The following TAFA1 variants were observed in gnomAD, a reference collection of about 807,000 sequenced individuals.
TAFA1 encodes TAFA chemokine like family member 1.
TAFA1 carries 4 observed loss-of-function variants against 18.5 expected under a neutral mutation model. The ratio of observed to expected loss-of-function variants is 0.22; its 90% CI spans 0.11 to 0.49. The LOEUF (loss-of-function observed/expected upper bound fraction) is 0.49. Ranked by LOEUF, TAFA1 falls within the 20% of genes least tolerant of loss-of-function variation. The pLI, the probability that TAFA1 is intolerant of heterozygous loss-of-function variation, is 0.98. For missense variants in TAFA1, 147 were observed against 169.0 expected, an observed-to-expected ratio of 0.87 and a Z score of 0.72; for synonymous variants, 56 against 55.2, an observed-to-expected ratio of 1.01 and a Z score of -0.06.
intron 2 of TAFA1, among the ~76,000 whole-genome samples, chr3:68,132,443 G>T (rs2065552354): frequency 6.6e-6 from 1 of 152,162 alleles, no homozygotes; most frequent in African/African-American, 2.4e-5. Flanking sequence ...GATCCTTGAG[G>T]AATCACCACA....
chr3:68,191,065 C>G (rs949905776), intron 2 of TAFA1, among the ~76,000 whole-genome samples: 1 of 151,706 alleles, frequency 6.6e-6, no homozygotes, highest in African/African-American at 2.4e-5. Context: ...TGGGTGGGGA[C>G]TTAAAATAAA....
intron 3 of TAFA1, among the ~76,000 whole-genome samples, chr3:68,421,527 G>A (rs73109075): frequency 0.15 from 22,104 of 151,932 alleles, 2,107 homozygotes; most frequent in East Asian, 0.33. Flanking sequence ...GGATGGAATC[G>A]CAGCTGTACC....
chr3:68,423,870 T>A (rs2071006148), intron 3 of TAFA1, among the ~76,000 whole-genome samples: 1 of 148,672 alleles, frequency 6.7e-6, no homozygotes, highest in Admixed American at 6.7e-5. Context: ...AAGAAAAAAA[T>A]CTCTATGATA....
At chr3:68,361,357 A>G (rs1408452710) in intron 2 of TAFA1, among the ~76,000 whole-genome samples, 1 of 152,100 alleles carries the variant, frequency 6.6e-6, no homozygotes, top group South Asian at 2.1e-4. Context: ...GTGAGTGAGT[A>G]GGGTTACAGA....
At chr3:68,240,786 A>T (rs1312257631) in intron 2 of TAFA1, among the ~76,000 whole-genome samples, 1 of 152,168 alleles carries the variant, frequency 6.6e-6, no homozygotes, top group Non-Finnish European at 1.5e-5. Flanking sequence ...AAGTCTTTTC[A>T]AAAGAACTCA....
At chr3:68,207,730 T>C (rs978388148) in intron 2 of TAFA1, among the ~76,000 whole-genome samples, 1 of 152,012 alleles carries the variant, frequency 6.6e-6, no homozygotes, top group Non-Finnish European at 1.5e-5. Flanking sequence ...ATAGTAGTTG[T>C]AGTAATTACT....
At chr3:68,279,997 CA>C (rs1306687040) in intron 2 of TAFA1, among the ~76,000 whole-genome samples, 1 of 152,058 alleles carries the variant, frequency 6.6e-6, no homozygotes, top group Non-Finnish European at 1.5e-5. Flanking sequence ...TCATCCTATA[CA>C]AAATTCGCAA....
chr3:68,198,129 T>A (rs1482459872), intron 2 of TAFA1, among the ~76,000 whole-genome samples: 1 of 151,698 alleles, frequency 6.6e-6, no homozygotes, highest in African/African-American at 2.4e-5. Context: ...TCATACAATG[T>A]GGAGCCTTTT....
chr3:68,064,798 T>G (rs1258164123), intron 2 of TAFA1, among the ~76,000 whole-genome samples: 1 of 152,030 alleles, frequency 6.6e-6, no homozygotes, highest in African/African-American at 2.4e-5. Flanking sequence ...TAAAGTTGTC[T>G]TGTGTTGTAA....
chr3:68,290,464 G>A (rs575467642), intron 2 of TAFA1, among the ~76,000 whole-genome samples: 1 of 152,152 alleles, frequency 6.6e-6, no homozygotes, highest in Non-Finnish European at 1.5e-5. Context: ...GTTCCCCCAT[G>A]TCATAATAAT....
At chr3:67,991,715 T>G in the TAFA1 span, among the ~76,000 whole-genome samples, 5 of 152,142 alleles carry the variant, frequency 3.3e-5, no homozygotes, top group Non-Finnish European at 5.9e-5. Flanking sequence ...TCCTGAGACT[T>G]TTGGACTTGG....
intron 2 of TAFA1, among the ~76,000 whole-genome samples, chr3:68,064,753 C>T (rs773007629): frequency 6.6e-6 from 1 of 151,556 alleles, no homozygotes; most frequent in African/African-American, 2.4e-5. Flanking sequence ...GAGAAGTATC[C>T]TATTGTGGTT....
intron 2 of TAFA1, among the ~76,000 whole-genome samples, chr3:68,413,339 A>T (rs2070752778): frequency 6.6e-6 from 1 of 152,120 alleles, no homozygotes; most frequent in Non-Finnish European, 1.5e-5. Context: ...AACATGGGCA[A>T]GTTTCTAAGT....
intron 2 of TAFA1, among the ~76,000 whole-genome samples, chr3:68,017,035 G>A (rs1274654062): frequency 2.0e-5 from 3 of 152,154 alleles, no homozygotes; most frequent in Non-Finnish European, 2.9e-5. Flanking sequence ...CTGTTCTATA[G>A]AGAAATGGTA....
At chr3:68,023,711 A>G (rs1175536502) in intron 2 of TAFA1, among the ~76,000 whole-genome samples, 1 of 152,188 alleles carries the variant, frequency 6.6e-6, no homozygotes, top group East Asian at 1.9e-4. Context: ...AAAGAAGGCA[A>G]AAGTGTAGAT....
At chr3:68,145,004 A>T (rs975497274) in intron 2 of TAFA1, 2 of 1,567,644 alleles carry the variant, frequency 1.3e-6, no homozygotes, top group South Asian at 2.2e-5. Flanking sequence ...GGCCGTGAAG[A>T]TGCCAGTGGC....
chr3:68,186,138 T>C (rs755124790), intron 2 of TAFA1, among the ~76,000 whole-genome samples: 1 of 152,108 alleles, frequency 6.6e-6, no homozygotes, highest in Non-Finnish European at 1.5e-5. Flanking sequence ...AGATGTTTAT[T>C]GCCTTAGCTC....
chr3:68,194,363 C>T lies in TAFA1; in HGVS notation c.118+187619C>T, dbSNP rs576522136. 2.3e-4 allele frequency among the ~76,000 whole-genome samples: 35 copies of T among 151,738 alleles called. No homozygotes were observed. The South Asian group carries it at 5.4e-3, about 23-fold the overall frequency. On this transcript the variant is annotated intron_variant, in intron 2 of 4. Transcript: ENST00000478136. ...ATGGAAATCTACATTGTTTTCCCCA[C>T]GTAGATTTTTCCGGTGTGCAAGATT...
intron 3 of TAFA1, among the ~76,000 whole-genome samples, chr3:68,426,290 C>G (rs577175526): frequency 4.6e-5 from 7 of 151,718 alleles, no homozygotes; most frequent in African/African-American, 1.7e-4. Flanking sequence ...CTCACTAATC[C>G]TCTCACATCA....
Sources: gnomAD v4.1 joint callset for allele counts (sites outside exome capture counted in the v4.1 genomes callset) on GRCh38, gnomAD v4.1.1 for gene constraint, MANE v1.5 for transcripts, NCBI Gene and HGNC (gene_info 2026-07-23, HGNC 2026-07-21) for gene names.